The following LSAMP variants were observed in gnomAD, a reference collection of about 807,000 sequenced individuals.
The protein encoded by LSAMP is limbic system associated membrane protein.
A neutral mutation model predicts 38.6 loss-of-function variants in LSAMP; 7 were observed. That is an observed-to-expected ratio of 0.18 (90% CI 0.10 to 0.34). The LOEUF is 0.34. Among genes scored for constraint, LSAMP ranks in the 10% least tolerant of loss-of-function variants. The pLI is 1.00. For missense variants in LSAMP, 313 were observed against 420.0 expected (o/e 0.75, Z 2.23); for synonymous variants, 154 against 166.8 (o/e 0.92, Z 0.59).
At chr3:116,419,748 G>C in intron 1 of LSAMP, among the ~76,000 whole-genome samples, 1 of 152,164 alleles carries the variant, frequency 6.6e-6, no homozygotes, top group East Asian at 1.9e-4. Flanking sequence ...GGCCAGAAAA[G>C]ATAGGATAAG....
At chr3:116,391,377 C>T (rs2048694508) in intron 1 of LSAMP, among the ~76,000 whole-genome samples, 1 of 152,196 alleles carries the variant, frequency 6.6e-6, no homozygotes, top group African/African-American at 2.4e-5. Flanking sequence ...ACTCGCAGGC[C>T]AGGAACCTCT....
At chr3:115,937,134 A>G (rs745910874) in intron 3 of LSAMP, among the ~76,000 whole-genome samples, 8 of 152,178 alleles carry the variant, frequency 5.3e-5, no homozygotes, top group Non-Finnish European at 8.8e-5. Flanking sequence ...TAACCTGAAA[A>G]CATGTGCTCT....
chr3:116,309,023 G>A (rs1319742182), intron 1 of LSAMP, among the ~76,000 whole-genome samples: 1 of 152,064 alleles, frequency 6.6e-6, no homozygotes, highest in Non-Finnish European at 1.5e-5. Context: ...CTACAGCAAG[G>A]CAGTTGGAAA....
chr3:116,392,445 T>C (rs1191930890), intron 1 of LSAMP, among the ~76,000 whole-genome samples: 3 of 152,186 alleles, frequency 2.0e-5, no homozygotes, highest in African/African-American at 7.2e-5. Context: ...GTGCACACAC[T>C]CACGGCAACG....
At chr3:116,238,622 G>A (rs1311535767) in intron 1 of LSAMP, among the ~76,000 whole-genome samples, 1 of 152,082 alleles carries the variant, frequency 6.6e-6, no homozygotes, top group Non-Finnish European at 1.5e-5. Context: ...TCTATACAAA[G>A]CCTATTTCAT....
chr3:115,838,169 A>C (rs1576129765), intron 6 of LSAMP: 1 of 152,248 alleles, frequency 6.6e-6, no homozygotes, highest in African/African-American at 2.4e-5. Context: ...TGACACAAAA[A>C]TATAATTTTT....
chr3:116,093,409 A>G (rs1559739951), intron 1 of LSAMP, among the ~76,000 whole-genome samples: 1 of 152,214 alleles, frequency 6.6e-6, no homozygotes, highest in Non-Finnish European at 1.5e-5. Flanking sequence ...ATCCAGAAGC[A>G]TAGGACAAAC....
At chr3:115,904,260 C>T (rs113013753) in intron 3 of LSAMP, among the ~76,000 whole-genome samples, 9 of 151,978 alleles carry the variant, frequency 5.9e-5, no homozygotes, top group African/African-American at 2.2e-4. Context: ...ATTAAAAATG[C>T]TTATGTCAAA....
chr3:116,199,830 G>A (rs2045965446), intron 1 of LSAMP, among the ~76,000 whole-genome samples: 1 of 151,964 alleles, frequency 6.6e-6, no homozygotes, highest in Non-Finnish European at 1.5e-5. Flanking sequence ...AAAGGGAGAA[G>A]GTGGTTGTGG....
At chr3:116,282,016 C>T (rs192234232) in intron 1 of LSAMP, among the ~76,000 whole-genome samples, 2 of 152,316 alleles carry the variant, frequency 1.3e-5, no homozygotes, top group Admixed American at 1.3e-4. Context: ...TACACATGTG[C>T]TGCTGCTTTG....
intron 1 of LSAMP, among the ~76,000 whole-genome samples, chr3:116,163,885 C>T (rs909231398): frequency 7.3e-5 from 11 of 151,566 alleles, no homozygotes; most frequent in South Asian, 2.1e-4. Flanking sequence ...ACAAAAAAAA[C>T]GAATAAGATC....
At chr3:116,303,014 A>C (rs2047435102) in intron 1 of LSAMP, among the ~76,000 whole-genome samples, 2 of 152,230 alleles carry the variant, frequency 1.3e-5, no homozygotes, top group African/African-American at 4.8e-5. Context: ...TCTAAGTTCT[A>C]AATTACACAT....
intron 2 of LSAMP, among the ~76,000 whole-genome samples, chr3:116,024,807 A>T (rs1197380906): frequency 6.6e-6 from 1 of 150,894 alleles, no homozygotes; most frequent in South Asian, 2.1e-4. Context: ...TATTATTATC[A>T]TTATCATTAT....
chr3:115,992,695 G>A (rs1327608897), intron 3 of LSAMP, among the ~76,000 whole-genome samples: 1 of 151,866 alleles, frequency 6.6e-6, no homozygotes, highest in Non-Finnish European at 1.5e-5. Context: ...AGATAATGTC[G>A]ATACAGTTCA....
chr3:116,105,370 C>T (rs1183182636), intron 1 of LSAMP, among the ~76,000 whole-genome samples: 2 of 152,274 alleles, frequency 1.3e-5, no homozygotes, highest in South Asian at 2.1e-4. Flanking sequence ...CATGCGCGTC[C>T]GTGTGAAAAG....
intron 1 of LSAMP, among the ~76,000 whole-genome samples, chr3:116,220,131 T>C (rs2046263911): frequency 6.6e-6 from 1 of 151,004 alleles, no homozygotes; most frequent in Non-Finnish European, 1.5e-5. Context: ...TACAGTGAGC[T>C]GAGACTGTGC....
intron 1 of LSAMP, among the ~76,000 whole-genome samples, chr3:116,104,682 C>T (rs569432322): frequency 3.3e-5 from 5 of 152,260 alleles, no homozygotes; most frequent in African/African-American, 4.8e-5. Context: ...TCATTCTTTG[C>T]CATCCACTCG....
rs137883684 is a variant in LSAMP at position 115,952,779 on chromosome 3, C to G, written c.514+66736G>C. On this transcript the variant is annotated intron_variant, in intron 3 of 6. Transcript: ENST00000490035. ...AATAAGCTTGTATAGGGCCTGATCT[C>G]TTGCAGAAAACATTTGGGAAGTGGA... is the stretch of plus-strand genomic sequence containing the variant. Among the ~76,000 whole-genome samples, 400 of 152,192 alleles carry G rather than the reference C, an allele frequency of 2.6e-3. 3 individuals carry two copies. In the Middle Eastern group the frequency reaches 0.034, roughly 13 times the overall value.
At chr3:116,235,096 CAAGT>C (rs1054557932) in intron 1 of LSAMP, among the ~76,000 whole-genome samples, 16 of 152,084 alleles carry the variant, frequency 1.1e-4, no homozygotes, top group African/African-American at 3.1e-4. Flanking sequence ...GACTGAGACT[CAAGT>C]AAGTCAACAT....
Sources: allele counts gnomAD v4.1 joint callset (sites outside exome capture counted in the v4.1 genomes callset), GRCh38; gene constraint gnomAD v4.1.1; transcripts MANE v1.5; gene names NCBI Gene and HGNC (gene_info 2026-07-23, HGNC 2026-07-21).